Variants in CTNNA3 observed in about 807,000 individuals in gnomAD.
The protein encoded by CTNNA3 is catenin alpha 3.
CTNNA3 carries 76 observed loss-of-function variants against 95.7 expected under a neutral mutation model. The observed-to-expected ratio is 0.79, with a 90% CI of 0.66 to 0.96. The LOEUF (loss-of-function observed/expected upper bound fraction) is 0.96, where lower values mean the gene tolerates loss of function less well. Ranked by LOEUF, CTNNA3 falls within the 40% of genes least tolerant of loss-of-function variation. CTNNA3 has a pLI of 0.00. For missense variants in CTNNA3, 1,191 were observed against 1,089.8 expected (o/e 1.09, Z -1.31); for synonymous variants, 431 against 374.4 (o/e 1.15, Z -1.74).
chr10:67,727,752 A>G (rs1235305350), intron 1 of CTNNA3, among the ~76,000 whole-genome samples: 1 of 125,192 alleles, frequency 8.0e-6, no homozygotes, highest in East Asian at 2.1e-4. Context: ...TAGCTTACTT[A>G]TATTATATAT....
intron 2 of CTNNA3, among the ~76,000 whole-genome samples, chr10:67,642,935 C>G (rs544058647): frequency 6.2e-4 from 94 of 151,200 alleles, no homozygotes; most frequent in African/African-American, 2.1e-3. Flanking sequence ...GACCTAGATG[C>G]AGAAATACCA....
chr10:66,464,388 C>G (rs1328474088), intron 11 of CTNNA3, among the ~76,000 whole-genome samples: 2 of 152,094 alleles, frequency 1.3e-5, no homozygotes, highest in African/African-American at 4.8e-5. Context: ...AGTCTTTATT[C>G]CCTTGACATA....
chr10:66,771,914 G>C (rs891718462), intron 8 of CTNNA3, among the ~76,000 whole-genome samples: 2 of 152,040 alleles, frequency 1.3e-5, no homozygotes, highest in Non-Finnish European at 2.9e-5. Flanking sequence ...GGAAGAAAAA[G>C]GTCCATTCCA....
At chr10:66,275,264 C>T (rs971931335) in intron 13 of CTNNA3, among the ~76,000 whole-genome samples, 11 of 152,232 alleles carry the variant, frequency 7.2e-5, no homozygotes, top group African/African-American at 1.7e-4. Context: ...ACTACAGGCA[C>T]GCACCATCAT....
At chr10:66,023,394 C>A (rs1384871009) in intron 15 of CTNNA3, among the ~76,000 whole-genome samples, 1 of 83,008 alleles carries the variant, frequency 1.2e-5, no homozygotes, top group Non-Finnish European at 2.7e-5. Flanking sequence ...TTTTAAGTGG[C>A]AAACAGAGAG....
At chr10:66,243,672 T>C (rs1011621801) in intron 13 of CTNNA3, among the ~76,000 whole-genome samples, 1 of 152,212 alleles carries the variant, frequency 6.6e-6, no homozygotes, top group African/African-American at 2.4e-5. Flanking sequence ...AACCAAGTTA[T>C]AGTCTGACCA....
At chr10:65,922,323 G>C (rs769640196) in intron 17 of CTNNA3, among the ~76,000 whole-genome samples, 8 of 152,114 alleles carry the variant, frequency 5.3e-5, no homozygotes, top group Non-Finnish European at 8.8e-5. Context: ...GAGCAATAGA[G>C]TATCTTATTT....
At chr10:67,023,455 A>T (rs1210680215) in intron 7 of CTNNA3, among the ~76,000 whole-genome samples, 1 of 152,136 alleles carries the variant, frequency 6.6e-6, no homozygotes, top group Non-Finnish European at 1.5e-5. Flanking sequence ...TGGATCTTCT[A>T]TAGAGAACGA....
At chr10:65,999,903 A>T (rs1272292688) in intron 15 of CTNNA3, among the ~76,000 whole-genome samples, 1 of 149,532 alleles carries the variant, frequency 6.7e-6, no homozygotes, top group African/African-American at 2.5e-5. Flanking sequence ...GAAGTCTTTA[A>T]TAAACAGTGG....
chr10:66,221,011 C>G (rs552502030), intron 13 of CTNNA3, among the ~76,000 whole-genome samples: 1 of 152,194 alleles, frequency 6.6e-6, no homozygotes, highest in Non-Finnish European at 1.5e-5. Context: ...GGATCGCCCG[C>G]TTCTACCCAG....
intron 5 of CTNNA3, among the ~76,000 whole-genome samples, chr10:67,339,310 C>A (rs1474251398): frequency 6.6e-6 from 1 of 152,106 alleles, no homozygotes; most frequent in Non-Finnish European, 1.5e-5. Context: ...ATAATCACAT[C>A]AAGTTTGGGC....
chr10:66,726,744 C>T (rs16923494), intron 9 of CTNNA3, among the ~76,000 whole-genome samples: 4,175 of 152,076 alleles, frequency 0.027, 162 homozygotes, highest in East Asian at 0.2. Context: ...TAACTCATGC[C>T]GTGAACTCAT....
chr10:67,074,909 T>G (rs1482949273), intron 7 of CTNNA3, among the ~76,000 whole-genome samples: 1 of 152,176 alleles, frequency 6.6e-6, no homozygotes, highest in Admixed American at 6.5e-5. Context: ...TGGTCTATAT[T>G]TAACACACAG....
At chr10:67,165,211 A>C (rs532795006) in intron 7 of CTNNA3, among the ~76,000 whole-genome samples, 1 of 152,314 alleles carries the variant, frequency 6.6e-6, no homozygotes, top group East Asian at 1.9e-4. Flanking sequence ...ACTTGGATGG[A>C]TCTCTAAGGC....
At chr10:66,143,744 G>A (rs1304308503) in intron 13 of CTNNA3, among the ~76,000 whole-genome samples, 2 of 152,114 alleles carry the variant, frequency 1.3e-5, no homozygotes, top group Non-Finnish European at 2.9e-5. Context: ...TACCTTAACC[G>A]CAGGTGGTCC....
At chr10:66,268,319 T>C (rs762611390) in intron 13 of CTNNA3, among the ~76,000 whole-genome samples, 1 of 152,162 alleles carries the variant, frequency 6.6e-6, no homozygotes, top group Non-Finnish European at 1.5e-5. Context: ...AGTGACACTC[T>C]ATGATTTCCA....
chr10:65,928,251 C>T (rs1000371978), intron 17 of CTNNA3, among the ~76,000 whole-genome samples: 1 of 151,982 alleles, frequency 6.6e-6, no homozygotes, highest in African/African-American at 2.4e-5. Context: ...AAATGATTTT[C>T]TTTTCTTTTT....
intron 5 of CTNNA3, among the ~76,000 whole-genome samples, chr10:67,444,300 G>T (rs555339804): frequency 6.6e-6 from 1 of 152,024 alleles, no homozygotes; most frequent in African/African-American, 2.4e-5. Flanking sequence ...ATGACTAGTG[G>T]GTCAATGAAA....
At chr10:66,461,923 C>T (rs187088788) in intron 11 of CTNNA3, among the ~76,000 whole-genome samples, 107 of 151,438 alleles carry the variant, frequency 7.1e-4, no homozygotes, top group African/African-American at 2.5e-3. Context: ...AGCAATTCTC[C>T]TGCCTCAGCC....
Sources: allele counts gnomAD v4.1 joint callset (sites outside exome capture counted in the v4.1 genomes callset), GRCh38; gene constraint gnomAD v4.1.1; transcripts MANE v1.5; gene names NCBI Gene and HGNC (gene_info 2026-07-23, HGNC 2026-07-21).